The following USH2A variants were observed in gnomAD, a reference collection of about 807,000 sequenced individuals.
The protein encoded by USH2A is usherin.
In USH2A, 443 loss-of-function variants were observed where a neutral mutation model predicts 538.9. The observed-to-expected ratio is 0.82, with a 90% confidence interval of 0.76 to 0.89. The LOEUF (loss-of-function observed/expected upper bound fraction) is 0.89. Among genes scored for constraint, USH2A ranks in the 40% least tolerant of loss-of-function variants. The probability of loss-of-function intolerance (pLI) is 0.00; values close to 1 mark genes in which losing one functional copy is unlikely to be tolerated. For synonymous variants in USH2A, 2,413 were observed against 2,273.5 expected, an observed-to-expected ratio of 1.06 and a Z score of -1.75; for missense variants, 6,633 against 6,324.8, an observed-to-expected ratio of 1.05 and a Z score of -1.65.
In USH2A at chr1:216,394,720, C is replaced by CTTTTTTTTTTTTTTTTTTTTTTTTTTTT. The variant is rs780581599; in HGVS notation, c.651+23793_651+23794insAAAAAAAAAAAAAAAAAAAAAAAAAAAA. On this transcript the variant is annotated intron_variant, in intron 3 of 71. Transcript: ENST00000307340. The stretch of plus-strand genomic sequence containing the variant: ...CTTAAGGCCTAATAACTGGTCCAGT[C>CTTTTTTTTTTTTTTTTTTTTTTTTTTTT]TTTTTTTTTTTTTTTTGAGACAGAG... 5.0e-5 allele frequency among the ~76,000 whole-genome samples: 6 copies of CTTTTTTTTTTTTTTTTTTTTTTTTTTTT among 120,324 alleles called. 1 individual carries two copies. Among genetic ancestry groups the CTTTTTTTTTTTTTTTTTTTTTTTTTTTT allele is most frequent in the Admixed American group, 9.4e-5 (1 of 10,690 alleles). 78.9% of individuals were successfully genotyped at this position (120,324 alleles called of 152,430 possible).
chr1:216,148,516 T>C (rs2033761198), intron 21 of USH2A, among the ~76,000 whole-genome samples: 1 of 152,070 alleles, frequency 6.6e-6, no homozygotes, highest in South Asian at 2.1e-4. Context: ...CTAATCACCC[T>C]TACCCCACTC....
intron 20 of USH2A, among the ~76,000 whole-genome samples, chr1:216,183,786 G>T (rs909295306): frequency 6.6e-6 from 1 of 152,084 alleles, no homozygotes; most frequent in East Asian, 1.9e-4. Context: ...TTACTGCCAT[G>T]CAATGAATTT....
At position 215,714,135 on chromosome 1, in the gene USH2A, C is replaced by G. The variant is rs145704888; in HGVS notation, c.12066+13895G>C. ...ATGATGCTTTCTCAGTTTGATTTAG[C>G]TGTGAACATACAGATTTCCTTTTAG... On this transcript the variant is annotated intron_variant, in intron 61 of 71. Coordinates refer to ENST00000307340, the MANE Select transcript of USH2A (RefSeq NM_206933.4). Among the ~76,000 whole-genome samples the G allele has an allele frequency of 3.0e-3, 463 of 152,294 alleles. 1 individual carries two copies. Among genetic ancestry groups the G allele is most frequent in the Non-Finnish European group, 5.1e-3 (349 of 68,032 alleles).
intron 61 of USH2A, among the ~76,000 whole-genome samples, chr1:215,693,947 T>C (rs1432766692): frequency 1.3e-5 from 2 of 152,212 alleles, no homozygotes; most frequent in Non-Finnish European, 2.9e-5. Flanking sequence ...ATGAATCCAA[T>C]TTGTTTGAAC....
chr1:215,974,008 T>C (rs1010489898), intron 35 of USH2A, among the ~76,000 whole-genome samples: 7 of 150,860 alleles, frequency 4.6e-5, no homozygotes, highest in African/African-American at 1.7e-4. Context: ...GTAAACAGTA[T>C]TTGACAGCAT....
intron 61 of USH2A, among the ~76,000 whole-genome samples, chr1:215,716,273 C>T (rs1025893401): frequency 3.3e-5 from 5 of 152,216 alleles, no homozygotes; most frequent in African/African-American, 9.6e-5. Context: ...TTTCATGTAT[C>T]CTTGATAACT....
At chr1:216,009,469 A>G (rs12566058) in intron 32 of USH2A, among the ~76,000 whole-genome samples, 70,751 of 151,890 alleles carry the variant, frequency 0.47, 17,017 homozygotes, top group East Asian at 0.69. Flanking sequence ...AATTCTTGTC[A>G]TAAAATAGGC....
intron 47 of USH2A, among the ~76,000 whole-genome samples, chr1:215,821,366 T>C (rs1422251278): frequency 6.6e-6 from 1 of 151,876 alleles, no homozygotes; most frequent in Admixed American, 6.6e-5. Context: ...TTTTTTCATA[T>C]ACCTGTTGGC....
Position 215,926,868 on chromosome 1 carries a change from G to A in USH2A, c.7300+7748C>T, listed in dbSNP as rs540184315. Among the ~76,000 whole-genome samples, 63 of 151,878 alleles carry A rather than the reference G, an allele frequency of 4.1e-4. No homozygotes were observed. In the South Asian group the frequency reaches 0.01, roughly 25 times the overall value. Reference sequence around the variant, plus strand: ...GGTGATCCACCCTCCTTGGCCTTCCGAAGTGCTGGGATTACAGGCGTGAGC... The same window carrying A: ...GGTGATCCACCCTCCTTGGCCTTCCAAAGTGCTGGGATTACAGGCGTGAGC... On this transcript the variant is annotated intron_variant, in intron 38 of 71. Transcript: ENST00000307340.
chr1:216,391,296 A>G (rs1219301451), intron 3 of USH2A, among the ~76,000 whole-genome samples: 1 of 152,168 alleles, frequency 6.6e-6, no homozygotes, highest in Non-Finnish European at 1.5e-5. Context: ...TTAAATATAG[A>G]TGCAACTATC....
chr1:216,347,104 T>C (rs1424188978), intron 4 of USH2A, among the ~76,000 whole-genome samples: 1 of 152,102 alleles, frequency 6.6e-6, no homozygotes, highest in African/African-American at 2.4e-5. Flanking sequence ...GGTCAGAAAC[T>C]GCTTCTTTGA....
intron 30 of USH2A, among the ~76,000 whole-genome samples, chr1:216,069,382 A>G (rs1316152863): frequency 6.6e-6 from 1 of 152,228 alleles, no homozygotes; most frequent in Non-Finnish European, 1.5e-5. Context: ...TCTAACGTCC[A>G]TTCTGATGGT....
At chr1:216,105,876 T>C (rs904848525) in intron 21 of USH2A, among the ~76,000 whole-genome samples, 1 of 151,874 alleles carries the variant, frequency 6.6e-6, no homozygotes, top group Non-Finnish European at 1.5e-5. Flanking sequence ...TAAATCCAAC[T>C]TTGTTTAAAT....
intron 13 of USH2A, among the ~76,000 whole-genome samples, chr1:216,238,358 C>T (rs553238679): frequency 6.6e-6 from 1 of 152,240 alleles, no homozygotes; most frequent in South Asian, 2.1e-4. Context: ...CTGCCTTCCT[C>T]GGCCTGGCCT....
intron 61 of USH2A, among the ~76,000 whole-genome samples, chr1:215,685,341 TTTTG>T (rs796875707): frequency 2.9e-5 from 3 of 102,792 alleles, no homozygotes; most frequent in African/African-American, 7.3e-5. Context: ...AGTTTTTTTT[TTTTG>T]TTGTTGTTGT....
chr1:216,335,407 AG>A (rs1480820374), intron 4 of USH2A, among the ~76,000 whole-genome samples: 1 of 151,518 alleles, frequency 6.6e-6, no homozygotes, highest in Non-Finnish European at 1.5e-5. Context: ...CTCAACCTAA[AG>A]CTAGCAGAAG....
intron 44 of USH2A, among the ~76,000 whole-genome samples, chr1:215,848,966 C>T (rs947289581): frequency 6.6e-6 from 1 of 152,078 alleles, no homozygotes; most frequent in Admixed American, 6.5e-5. Context: ...TTCAATAGAC[C>T]AGCACAAAAT....
intron 3 of USH2A, among the ~76,000 whole-genome samples, chr1:216,385,614 C>A (rs567698467): frequency 6.6e-6 from 1 of 152,246 alleles, no homozygotes; most frequent in South Asian, 2.1e-4. Context: ...TGCCAAGCTA[C>A]CTCTAGCTTA....
chr1:216,223,892 A>G lies in USH2A; in HGVS notation c.2994-6342T>C, dbSNP rs151196456. ...GCCTGTGAAAAGATTACTGGACCAA[A>G]TCTATAACCTAGTGCTGAAATGTAG... On this transcript the variant is annotated intron_variant, in intron 14 of 71. Coordinates refer to ENST00000307340, the MANE Select transcript of USH2A (RefSeq NM_206933.4). Among the ~76,000 whole-genome samples the G allele has an allele frequency of 1.6e-4, 24 of 152,334 alleles. No homozygotes were observed. The East Asian group carries it at 4.6e-3, about 29-fold the overall frequency.
Sources: gnomAD v4.1 joint callset for allele counts (sites outside exome capture counted in the v4.1 genomes callset) on GRCh38, gnomAD v4.1.1 for gene constraint, MANE v1.5 for transcripts, NCBI Gene and HGNC (gene_info 2026-07-23, HGNC 2026-07-21) for gene names.